Variants in CPA6 observed in about 807,000 individuals in gnomAD.
CPA6 encodes carboxypeptidase A6, also known as carboxypeptidase B.
A neutral mutation model predicts 63.3 loss-of-function variants in CPA6; 58 were observed. The observed-to-expected ratio is 0.92, with a 90% CI of 0.74 to 1.14. CPA6 has a LOEUF of 1.14. Among genes scored for constraint, CPA6 ranks in the 50% most tolerant of loss-of-function variants. The pLI, the probability that CPA6 is intolerant of heterozygous loss-of-function variation, is 0.00. For synonymous variants in CPA6, 185 were observed against 179.0 expected, an observed-to-expected ratio of 1.03 and a Z score of -0.27; for missense variants, 565 against 526.6, an observed-to-expected ratio of 1.07 and a Z score of -0.71.
At chr8:67,591,695 A>T (rs1257948648) in intron 2 of CPA6, among the ~76,000 whole-genome samples, 1 of 152,142 alleles carries the variant, frequency 6.6e-6, no homozygotes, top group African/African-American at 2.4e-5. Context: ...TTTGTCTGTT[A>T]TTGGTGTATA....
chr8:67,462,203 C>T (rs1041919249), intron 8 of CPA6, among the ~76,000 whole-genome samples: 4 of 150,340 alleles, frequency 2.7e-5, no homozygotes, highest in African/African-American at 9.9e-5. Flanking sequence ...AGCAAAAAGC[C>T]AGTTTTATTA....
intron 8 of CPA6, among the ~76,000 whole-genome samples, chr8:67,453,368 G>A (rs898758494): frequency 1.3e-5 from 2 of 152,184 alleles, no homozygotes; most frequent in African/African-American, 4.8e-5. Context: ...CTGGAAGGAT[G>A]GAGTTGCCAT....
chr8:67,507,255 T>C (rs997693482), intron 5 of CPA6, among the ~76,000 whole-genome samples: 2 of 152,134 alleles, frequency 1.3e-5, no homozygotes, highest in African/African-American at 4.8e-5. Context: ...TCCTGCTGGC[T>C]CAGCCTGCTT....
intron 2 of CPA6, among the ~76,000 whole-genome samples, chr8:67,533,801 C>T (rs1412574796): frequency 3.9e-5 from 6 of 152,202 alleles, no homozygotes; most frequent in African/African-American, 9.6e-5. Context: ...TCCTCACTCC[C>T]TTCCTAAGTA....
chr8:67,497,263 G>T (rs6472312), intron 6 of CPA6, among the ~76,000 whole-genome samples: 70,834 of 151,974 alleles, frequency 0.47, 18,450 homozygotes, highest in African/African-American at 0.73. Flanking sequence ...TCCAATTCCC[G>T]CTTACTCCAT....
intron 10 of CPA6, 80 bp from the exon 11 acceptor site, chr8:67,422,771 A>G: frequency 9.7e-7 from 1 of 1,027,178 alleles, no homozygotes; most frequent in Non-Finnish European, 1.4e-6. Context: ...ACTATAAAGT[A>G]TCCGCTTATT....
At chr8:67,577,508 C>T (rs1587587108) in intron 2 of CPA6, among the ~76,000 whole-genome samples, 1 of 152,018 alleles carries the variant, frequency 6.6e-6, no homozygotes, top group African/African-American at 2.4e-5. Context: ...GAAGAATAGG[C>T]ATCTTTCTTA....
chr8:67,591,602 G>A (rs1028916089), intron 2 of CPA6, among the ~76,000 whole-genome samples: 34 of 152,100 alleles, frequency 2.2e-4, no homozygotes, highest in African/African-American at 6.3e-4. Flanking sequence ...GGTCCTTCAT[G>A]TCCCTTGTAA....
intron 1 of CPA6, among the ~76,000 whole-genome samples, chr8:67,667,497 C>T (rs985713374): frequency 2.0e-5 from 3 of 151,912 alleles, no homozygotes; most frequent in African/African-American, 7.3e-5. Context: ...AACTTCCCCG[C>T]TAAAAGTTAG....
intron 1 of CPA6, among the ~76,000 whole-genome samples, chr8:67,629,783 T>G (rs754344859): frequency 6.6e-5 from 10 of 152,192 alleles, no homozygotes; most frequent in African/African-American, 9.7e-5. Context: ...TGTATGATTT[T>G]GCCTATGAGT....
intron 2 of CPA6, among the ~76,000 whole-genome samples, chr8:67,576,955 C>T (rs1051267673): frequency 1.3e-5 from 2 of 152,004 alleles, no homozygotes; most frequent in African/African-American, 4.8e-5. Flanking sequence ...CTTCCGCCTC[C>T]GGGGTTCAAG....
At chr8:67,739,559 T>C (rs538845408) in intron 1 of CPA6, among the ~76,000 whole-genome samples, 1 of 152,316 alleles carries the variant, frequency 6.6e-6, no homozygotes, top group Middle Eastern at 3.4e-3. Flanking sequence ...ACTGATGAGC[T>C]GACATGGCCC....
intron 1 of CPA6, among the ~76,000 whole-genome samples, chr8:67,681,074 T>C (rs1400334498): frequency 6.6e-6 from 1 of 152,006 alleles, no homozygotes; most frequent in Non-Finnish European, 1.5e-5. Context: ...CACTTAACAA[T>C]GTCTGTCCAA....
chr8:67,711,298 A>T (rs1039362219), intron 1 of CPA6, among the ~76,000 whole-genome samples: 1 of 152,262 alleles, frequency 6.6e-6, no homozygotes, highest in African/African-American at 2.4e-5. Context: ...TTTTTGTTAC[A>T]TGCAAACAAT....
At chr8:67,718,310 A>G (rs1817421780) in intron 1 of CPA6, among the ~76,000 whole-genome samples, 1 of 152,162 alleles carries the variant, frequency 6.6e-6, no homozygotes, top group Non-Finnish European at 1.5e-5. Context: ...TTTAAAAGCC[A>G]ATTTGGGTTA....
intron 2 of CPA6, among the ~76,000 whole-genome samples, chr8:67,534,304 CT>C (rs1020626844): frequency 1.8e-4 from 27 of 152,014 alleles, no homozygotes; most frequent in African/African-American, 6.5e-4. Flanking sequence ...GTGGAAGCCC[CT>C]TGTGTTCTGG....
intron 1 of CPA6, among the ~76,000 whole-genome samples, chr8:67,626,061 T>TGGA (rs1815187839): frequency 1.3e-5 from 2 of 152,192 alleles, no homozygotes; most frequent in South Asian, 4.1e-4. Flanking sequence ...TGCCACCATG[T>TGGA]GGAGGTCCCT....
intron 2 of CPA6, among the ~76,000 whole-genome samples, chr8:67,593,598 T>C (rs145792653): frequency 0.068 from 10,350 of 152,202 alleles, 629 homozygotes; most frequent in African/African-American, 0.16. Context: ...ATTTAGGATA[T>C]TTAGCTCTTC....
intron 2 of CPA6, among the ~76,000 whole-genome samples, chr8:67,534,482 A>C (rs1812541816): frequency 6.6e-6 from 1 of 152,132 alleles, no homozygotes; most frequent in South Asian, 2.1e-4. Context: ...ATACCTCCCA[A>C]CTGTTGTAAA....
Sources: gnomAD v4.1 joint callset for allele counts (sites outside exome capture counted in the v4.1 genomes callset) on GRCh38, gnomAD v4.1.1 for gene constraint, MANE v1.5 for transcripts, NCBI Gene and HGNC (gene_info 2026-07-23, HGNC 2026-07-21) for gene names.